The following ANKS1A variants were observed in gnomAD, a reference collection of about 807,000 sequenced individuals.
The protein encoded by ANKS1A is ankyrin repeat and SAM domain-containing protein 1A.
In ANKS1A, 55 loss-of-function variants were observed where a neutral mutation model predicts 120.3. That is an observed-to-expected ratio of 0.46 (90% CI 0.37 to 0.57). The LOEUF is 0.57. ANKS1A is among the 20% of genes least tolerant of loss of function. The pLI, the probability that ANKS1A is intolerant of heterozygous loss-of-function variation, is 0.00. For synonymous variants in ANKS1A, 590 were observed against 604.7 expected (o/e 0.98, Z 0.36); for missense variants, 1,123 against 1,480.3 (o/e 0.76, Z 3.96).
At chr6:34,942,171 G>A (rs957930118) in intron 1 of ANKS1A, among the ~76,000 whole-genome samples, 2 of 152,140 alleles carry the variant, frequency 1.3e-5, no homozygotes, top group Non-Finnish European at 2.9e-5. Flanking sequence ...TTTCTCATAC[G>A]ATTCCCCAAT....
chr6:34,978,666 G>A (rs978586149), intron 3 of ANKS1A, among the ~76,000 whole-genome samples: 2 of 151,796 alleles, frequency 1.3e-5, no homozygotes, highest in African/African-American at 2.4e-5. Flanking sequence ...TTAGCTAGGC[G>A]TGGTGGCACA....
At chr6:34,975,520 G>A (rs190145193) in intron 3 of ANKS1A, among the ~76,000 whole-genome samples, 7 of 152,014 alleles carry the variant, frequency 4.6e-5, no homozygotes, top group African/African-American at 1.7e-4. Context: ...CAGAATTTGG[G>A]AGGCTGGGGC....
intron 17 of ANKS1A, among the ~76,000 whole-genome samples, chr6:35,081,818 C>T (rs1043458439): frequency 3.9e-5 from 6 of 152,192 alleles, no homozygotes; most frequent in Non-Finnish European, 8.8e-5. Flanking sequence ...ACCTGCCTGT[C>T]CTGCCTCCCT....
At chr6:34,968,431 TTTTTTG>T (rs1336357710) in intron 2 of ANKS1A, among the ~76,000 whole-genome samples, 2 of 147,246 alleles carry the variant, frequency 1.4e-5, no homozygotes, top group African/African-American at 2.5e-5. Flanking sequence ...GCAGTGTCGT[TTTTTTG>T]TTTTTGTTTT....
chr6:34,906,041 A>C (rs1308959500), intron 1 of ANKS1A, among the ~76,000 whole-genome samples: 1 of 152,178 alleles, frequency 6.6e-6, no homozygotes, highest in African/African-American at 2.4e-5. Flanking sequence ...CTGAGTGAGC[A>C]GTGCCCCTCG....
intron 1 of ANKS1A, among the ~76,000 whole-genome samples, chr6:34,912,096 G>C (rs1415795559): frequency 6.6e-6 from 1 of 152,212 alleles, no homozygotes; most frequent in South Asian, 2.1e-4. Context: ...CCTCTGTTCA[G>C]TGTCAGGATG....
chr6:34,903,440 T>C (rs1420293086), intron 1 of ANKS1A, among the ~76,000 whole-genome samples: 1 of 150,262 alleles, frequency 6.7e-6, no homozygotes, highest in Admixed American at 6.6e-5. Flanking sequence ...CCAACCTCAC[T>C]CAGTCTTTTG....
intron 1 of ANKS1A, among the ~76,000 whole-genome samples, chr6:34,897,145 T>C (rs1767130420): frequency 6.6e-6 from 1 of 152,120 alleles, no homozygotes; most frequent in Non-Finnish European, 1.5e-5. Context: ...TGGTCTCCCT[T>C]TTTCCTGCAT....
intron 10 of ANKS1A, among the ~76,000 whole-genome samples, chr6:35,011,519 C>G (rs140724020): frequency 6.6e-6 from 1 of 152,078 alleles, no homozygotes; most frequent in Middle Eastern, 3.2e-3. Flanking sequence ...GTAATCAAGA[C>G]CAAGTCAATG....
chr6:34,976,777 C>CGTGTGT (rs34002253), intron 3 of ANKS1A, among the ~76,000 whole-genome samples: 5 of 149,278 alleles, frequency 3.3e-5, no homozygotes, highest in African/African-American at 7.4e-5. Flanking sequence ...TGTGTGTGTG[C>CGTGTGT]GTGTGTGTGT....
intron 1 of ANKS1A, among the ~76,000 whole-genome samples, chr6:34,890,074 C>G (rs1187535763): frequency 6.6e-6 from 1 of 151,838 alleles, no homozygotes. Flanking sequence ...TTCCACCAGG[C>G]TACACAGGAC....
intron 3 of ANKS1A, among the ~76,000 whole-genome samples, chr6:34,974,822 A>G (rs1771473521): frequency 6.6e-6 from 1 of 152,212 alleles, no homozygotes; most frequent in Admixed American, 6.5e-5. Flanking sequence ...CTAATTTTTT[A>G]AAGTGTATGT....
chr6:35,069,601 C>T (rs951764557), intron 13 of ANKS1A, among the ~76,000 whole-genome samples: 3 of 151,822 alleles, frequency 2.0e-5, no homozygotes, highest in Admixed American at 6.6e-5. Flanking sequence ...AGTGCAGTGG[C>T]GCAGTCACAG....
In ANKS1A at chr6:35,089,684, C is replaced by A; in HGVS notation, c.*1075C>A. ...ATGCTCCCCCGCGTGGCCTTTGGGG[C>A]AGGCTGGCATCCCGGTGCGCCTCTG... On this transcript the variant is annotated 3_prime_UTR_variant, in exon 24 of 24. Coordinates refer to ENST00000360359, the MANE Select transcript of ANKS1A (RefSeq NM_015245.3). 3 of 992,156 alleles carry A rather than the reference C, an allele frequency of 3.0e-6. No homozygotes were observed. Among genetic ancestry groups the A allele is most frequent in the Non-Finnish European group, 3.6e-6 (3 of 833,998 alleles). The allele number at this position is 992,156 out of a possible 1,614,324, so 61.5% of individuals were successfully genotyped here. A position where few individuals can be genotyped will look rare whatever the true frequency, so the allele number is the denominator to read the frequency against.
At chr6:35,093,017 C>A (rs1268219839), downstream of ANKS1A, among the ~76,000 whole-genome samples, 2 of 151,950 alleles carry the variant, frequency 1.3e-5, no homozygotes, top group Admixed American at 6.6e-5. Context: ...CAGAGGGTAT[C>A]CAAGTCCCAT....
Position 34,923,683 on chromosome 6 carries a change from A to G in ANKS1A, c.197+34084A>G, listed in dbSNP as rs1356020474. 5.9e-5 allele frequency among the ~76,000 whole-genome samples: 9 copies of G among 152,310 alleles called. No homozygotes were observed. In the South Asian group the frequency reaches 8.3e-4, roughly 14 times the overall value. ...AGGTCTATCAAGCTATATCATAGATATGATTGAGTGAGCAGGTTATGGGGG... is the reference window on the plus strand; with the variant it reads ...AGGTCTATCAAGCTATATCATAGATGTGATTGAGTGAGCAGGTTATGGGGG... On this transcript the variant is annotated intron_variant, in intron 1 of 23. Coordinates refer to ENST00000360359, the MANE Select transcript of ANKS1A (RefSeq NM_015245.3).
At chr6:34,917,903 C>T (rs1768243187) in intron 1 of ANKS1A, among the ~76,000 whole-genome samples, 1 of 152,206 alleles carries the variant, frequency 6.6e-6, no homozygotes, top group Admixed American at 6.5e-5. Context: ...AGGAGACTGT[C>T]TCTTGTTACC....
chr6:34,973,164 A>G (rs1250034592), intron 3 of ANKS1A, among the ~76,000 whole-genome samples: 1 of 151,292 alleles, frequency 6.6e-6, no homozygotes, highest in African/African-American at 2.4e-5. Flanking sequence ...TTCCTTTAAA[A>G]GCTGTTGCAT....
At chr6:34,990,437 A>G (rs1772443204) in intron 9 of ANKS1A, among the ~76,000 whole-genome samples, 1 of 151,730 alleles carries the variant, frequency 6.6e-6, no homozygotes, top group Non-Finnish European at 1.5e-5. Flanking sequence ...AAGTGTACGC[A>G]GTAAATCCTT....
Sources: gnomAD v4.1 joint callset for allele counts (sites outside exome capture counted in the v4.1 genomes callset) on GRCh38, gnomAD v4.1.1 for gene constraint, MANE v1.5 for transcripts, NCBI Gene and HGNC (gene_info 2026-07-23, HGNC 2026-07-21) for gene names.